Variants in REV1 observed in about 807,000 individuals in gnomAD.
REV1 encodes the protein translesion synthesis protein REV1.
REV1 carries 42 observed loss-of-function variants against 137.4 expected under a neutral mutation model. That is an observed-to-expected ratio of 0.31 (90% CI 0.24 to 0.40). The LOEUF is 0.40. Ranked by LOEUF, REV1 falls within the 10% of genes least tolerant of loss-of-function variation. The probability of loss-of-function intolerance (pLI) is 1.00; values close to 1 mark genes in which losing one functional copy is unlikely to be tolerated. For synonymous variants in REV1, 524 were observed against 519.2 expected, an observed-to-expected ratio of 1.01 and a Z score of -0.12; for missense variants, 1,282 against 1,490.1, an observed-to-expected ratio of 0.86 and a Z score of 2.30.
chr2:99,402,236 A>ATT lies in REV1; in HGVS notation c.3644+6_3644+7dup. 1 of 1,144,008 alleles carries ATT rather than the reference A, an allele frequency of 8.7e-7. No individual in the cohort carries two copies. The highest frequency in any genetic ancestry group is 1.3e-6 in the Non-Finnish European group (1 of 783,624). The allele number at this position is 1,144,008 out of a possible 1,614,324, so 70.9% of individuals were successfully genotyped here. A position where few individuals can be genotyped will look rare whatever the true frequency, so the allele number is the denominator to read the frequency against. On this transcript the variant is annotated splice_region_variant and intron_variant, in intron 22 of 22. Coordinates refer to ENST00000258428, the MANE Select transcript of REV1 (RefSeq NM_016316.4). The stretch of plus-strand genomic sequence containing the variant: ...TTTTCCCATTTGATAAAAGTGATGA[A>ATT]TTACTACCTTTTCATGTATTTTATA...
intron 6 of REV1, 55 bp downstream of exon 6, chr2:99,438,546 G>A: frequency 7.4e-7 from 1 of 1,357,806 alleles, no homozygotes; most frequent in Middle Eastern, 2.0e-4. Flanking sequence ...TAGCATAAGA[G>A]CAAAATGATC....
intron 4 of REV1, among the ~76,000 whole-genome samples, chr2:99,443,110 G>A (rs1295430887): frequency 1.3e-5 from 2 of 152,146 alleles, no homozygotes; most frequent in Non-Finnish European, 2.9e-5. Flanking sequence ...TTTGATTGCA[G>A]TATCTAAAAC....
In REV1 at chr2:99,406,439, A is replaced by G; in HGVS notation, c.2500T>C (p.Cys834Arg). ...GACTGAACTGATGGGCGACTGGGAC[A>G]TGTGGAAGGGTTCAGATTAGTTGGA... ...LVPTNLNPST[C>R]PSRPSVQSSH... Residue 834 changes from cysteine to arginine, a missense_variant, in exon 16 of 23, where the codon TGT becomes CGT. Physicochemically the swap from Cys to Arg is radical, Grantham distance 180 (BLOSUM62 -3). Transcript: ENST00000258428. 1.2e-6 allele frequency: 2 copies of G among 1,613,778 alleles called. No homozygotes were observed. Among genetic ancestry groups the G allele is most frequent in the South Asian group, 2.2e-5 (2 of 91,028 alleles).
chr2:99,431,310 T>A (rs759457581), intron 8 of REV1, among the ~76,000 whole-genome samples: 11 of 152,162 alleles, frequency 7.2e-5, no homozygotes, highest in Non-Finnish European at 1.2e-4. Flanking sequence ...GACATATGAA[T>A]AACGTATGCT....
chr2:99,450,280 C>G (rs1682771160), intron 3 of REV1, among the ~76,000 whole-genome samples: 1 of 152,028 alleles, frequency 6.6e-6, no homozygotes. Context: ...ACTTATGCTT[C>G]CCCCTAAGAA....
chr2:99,440,747 A>C (rs1419624930), intron 5 of REV1, among the ~76,000 whole-genome samples: 2 of 152,218 alleles, frequency 1.3e-5, no homozygotes, highest in Admixed American at 6.5e-5. Context: ...TATACCCCCC[A>C]AAAAAACCCC....
intron 1 of REV1, among the ~76,000 whole-genome samples, chr2:99,477,631 A>G (rs1185779164): frequency 1.3e-5 from 2 of 152,254 alleles, no homozygotes; most frequent in East Asian, 1.9e-4. Context: ...TAGACAAACA[A>G]TAAGATGTAC....
intron 1 of REV1, among the ~76,000 whole-genome samples, chr2:99,483,955 A>G (rs1326297175): frequency 3.3e-5 from 5 of 152,144 alleles, no homozygotes; most frequent in African/African-American, 4.8e-5. Context: ...TGAGAAGCCA[A>G]TAACTCATAA....
intron 1 of REV1, among the ~76,000 whole-genome samples, chr2:99,486,565 C>T (rs1452590376): frequency 6.6e-6 from 1 of 151,888 alleles, no homozygotes; most frequent in African/African-American, 2.4e-5. Context: ...AAGCACTTTA[C>T]ATACATTAAC....
At chr2:99,441,061 T>C (rs916400809) in intron 5 of REV1, among the ~76,000 whole-genome samples, 2 of 152,196 alleles carry the variant, frequency 1.3e-5, no homozygotes, top group African/African-American at 4.8e-5. Flanking sequence ...AAAGAAGATT[T>C]TGAAAAAACA....
At chr2:99,476,613 G>C (rs1575234821) in intron 1 of REV1, among the ~76,000 whole-genome samples, 2 of 151,982 alleles carry the variant, frequency 1.3e-5, no homozygotes, top group South Asian at 4.1e-4. Flanking sequence ...GTTTACCTGG[G>C]GGCTTTGAGC....
In REV1 at chr2:99,439,190, C is replaced by T. The variant is rs146581414; in HGVS notation, c.624G>A (p.Pro208=). Residue 208 remains proline, a synonymous_variant, in exon 6 of 23, where the codon CCG becomes CCA. Transcript: ENST00000258428. ...GCGGAATTCCATTCTGTTTCCTTCC[C>T]GGAGAGGTCTGCTCCAGATCCACAA... ...FSFVDLEQTS[P]GRKQNGIPHP... is the part of the protein sequence containing the mutation. The T allele has an allele frequency of 6.1e-5, 98 of 1,613,968 alleles. No homozygotes were observed. The highest frequency in any genetic ancestry group is 7.7e-5 in the Non-Finnish European group (91 of 1,179,982).
chr2:99,426,387 T>C (rs1229159141), intron 9 of REV1, among the ~76,000 whole-genome samples: 1 of 151,928 alleles, frequency 6.6e-6, no homozygotes, highest in African/African-American at 2.4e-5. Flanking sequence ...CCTATAAATA[T>C]CATGTTCTTA....
At chr2:99,477,339 C>T (rs1686093131) in intron 1 of REV1, among the ~76,000 whole-genome samples, 1 of 152,160 alleles carries the variant, frequency 6.6e-6, no homozygotes, top group Non-Finnish European at 1.5e-5. Flanking sequence ...TTCTGGGATG[C>T]AGTTGTGAGG....
Position 99,453,443 on chromosome 2 carries a change from A to G in REV1, c.182-3939T>C, listed in dbSNP as rs976838184. Among the ~76,000 whole-genome samples, 3 of 152,272 alleles carry G rather than the reference A, an allele frequency of 2.0e-5. No individual in the cohort carries two copies. In the South Asian group the frequency reaches 6.2e-4, roughly 32 times the overall value. On this transcript the variant is annotated intron_variant, in intron 3 of 22. Transcript: ENST00000258428. ...TTCTTACCCCAAACCGGGAAGCAAG[A>G]AGGAGCTCTAGAGCTAAAGCTGCTC...
chr2:99,407,494 G>C (rs1372852793), intron 15 of REV1, among the ~76,000 whole-genome samples: 1 of 151,736 alleles, frequency 6.6e-6, no homozygotes, highest in Non-Finnish European at 1.5e-5. Flanking sequence ...GGAAGTTGCA[G>C]TGAGCCGATA....
At chr2:99,446,621 A>G (rs1364143125) in intron 4 of REV1, among the ~76,000 whole-genome samples, 2 of 151,744 alleles carry the variant, frequency 1.3e-5, no homozygotes, top group Non-Finnish European at 1.5e-5. Context: ...CAGCCTCCTG[A>G]GTAGCTGGGA....
chr2:99,467,107 T>A (rs1050687361), intron 1 of REV1, among the ~76,000 whole-genome samples: 1 of 152,216 alleles, frequency 6.6e-6, no homozygotes, highest in South Asian at 2.1e-4. Context: ...AGGAGTAAAG[T>A]GTATTTTAAT....
At chr2:99,470,863 C>T (rs1685333440) in intron 1 of REV1, among the ~76,000 whole-genome samples, 1 of 152,198 alleles carries the variant, frequency 6.6e-6, no homozygotes, top group African/African-American at 2.4e-5. Context: ...TGTACCCTTT[C>T]TGCAGAAAGT....
Sources: gnomAD v4.1 joint callset for allele counts (sites outside exome capture counted in the v4.1 genomes callset) on GRCh38, gnomAD v4.1.1 for gene constraint, MANE v1.5 for transcripts, NCBI Gene and HGNC (gene_info 2026-07-23, HGNC 2026-07-21) for gene names.